The following CTTNBP2 variants were observed in gnomAD, a reference collection of about 807,000 sequenced individuals.
The protein encoded by CTTNBP2 is cortactin binding protein 2.
A neutral mutation model predicts 156.9 loss-of-function variants in CTTNBP2; 108 were observed. The observed-to-expected ratio is 0.69, with a 90% CI of 0.59 to 0.81. The LOEUF (loss-of-function observed/expected upper bound fraction) is 0.81. CTTNBP2 is among the 30% of genes least tolerant of loss of function. The probability of loss-of-function intolerance (pLI) is 0.00; values close to 1 mark genes in which losing one functional copy is unlikely to be tolerated. For synonymous variants in CTTNBP2, 767 were observed against 751.8 expected (o/e 1.02, Z -0.33); for missense variants, 1,924 against 2,035.4 (o/e 0.95, Z 1.05).
At chr7:117,729,072 T>C (rs904121888) in intron 16 of CTTNBP2, among the ~76,000 whole-genome samples, 10 of 152,206 alleles carry the variant, frequency 6.6e-5, no homozygotes, top group Non-Finnish European at 1.5e-4. Flanking sequence ...AGAGCTCTCA[T>C]TGTAACTCGG....
At chr7:117,825,334 G>C (rs1801216199) in intron 2 of CTTNBP2, among the ~76,000 whole-genome samples, 2 of 152,192 alleles carry the variant, frequency 1.3e-5, no homozygotes, top group South Asian at 4.1e-4. Context: ...TGTTGCTTCT[G>C]TCTGAGTCAT....
intron 17 of CTTNBP2, 91 bp from the exon 18 acceptor site, chr7:117,725,348 G>C: frequency 8.5e-7 from 1 of 1,173,550 alleles, no homozygotes; most frequent in Non-Finnish European, 1.3e-6. Context: ...AGACTATGGG[G>C]AAAAAACGTT....
At chr7:117,840,491 C>A (rs989532471) in intron 2 of CTTNBP2, among the ~76,000 whole-genome samples, 9 of 152,146 alleles carry the variant, frequency 5.9e-5, no homozygotes, top group Non-Finnish European at 1.3e-4. Flanking sequence ...TGCGCCACTG[C>A]ACTCCAGCCT....
chr7:117,780,958 G>A (rs906507560), intron 6 of CTTNBP2, among the ~76,000 whole-genome samples: 1 of 152,166 alleles, frequency 6.6e-6, no homozygotes, highest in African/African-American at 2.4e-5. Flanking sequence ...GAAATAGTTT[G>A]AACACTGAAA....
intron 1 of CTTNBP2, among the ~76,000 whole-genome samples, chr7:117,863,544 C>G (rs1465057191): frequency 1.3e-5 from 2 of 152,186 alleles, no homozygotes. Flanking sequence ...TTCAGTGAGT[C>G]CGAGGTGGGG....
chr7:117,760,469 G>A lies in CTTNBP2; in HGVS notation c.3138C>T (p.Gly1046=), dbSNP rs1234889508. 1 of 1,614,044 alleles carries A rather than the reference G, an allele frequency of 6.2e-7. No homozygotes were observed. The highest frequency in any genetic ancestry group is 1.3e-5 in the African/African-American group (1 of 75,040). ...TGGATCGTATGCTTCTTGCACTGAG[G>A]CCGATGTTGGAATCAGTGGTGTTAT... ...TCNNTTDSNI[G]LSARSIRSIT... The change falls in exon 10 of 23, where the codon GGC becomes GGT. Residue 1046 remains glycine, a synonymous_variant. Coordinates refer to ENST00000160373, the MANE Select transcript of CTTNBP2 (RefSeq NM_033427.3).
chr7:117,814,035 C>T (rs555464668), intron 2 of CTTNBP2, among the ~76,000 whole-genome samples: 1 of 152,166 alleles, frequency 6.6e-6, no homozygotes, highest in Non-Finnish European at 1.5e-5. Context: ...CTGGTGTCTA[C>T]TCACCCACAC....
rs368652096 is a variant in CTTNBP2 at position 117,873,403 on chromosome 7, C to G, written c.13G>C (p.Gly5Arg). Residue 5 changes from glycine (G) to arginine (R), a missense_variant, in exon 1 of 23, where the codon GGC becomes CGC. Coordinates refer to ENST00000160373, the MANE Select transcript of CTTNBP2 (RefSeq NM_033427.3). MATD[G>R]ASCEPDLSRA... ...GACAAGTCGGGCTCGCAGCTCGCGC[C>G]GTCCGTCGCCATCTTCCTGCTCTAG... 2 of 1,494,294 alleles carry G rather than the reference C, an allele frequency of 1.3e-6. No individual in the cohort carries two copies. Among genetic ancestry groups the G allele is most frequent in the Non-Finnish European group, 1.8e-6 (2 of 1,129,006 alleles). 92.6% of individuals were successfully genotyped at this position (1,494,294 alleles called of 1,614,324 possible).
rs142027587 is a variant in CTTNBP2, at chr7:117,844,364, T to C, written c.189+16845A>G. Among the ~76,000 whole-genome samples, 419 of 152,180 alleles carry C rather than the reference T, an allele frequency of 2.8e-3. 3 individuals carry two copies. The highest frequency in any genetic ancestry group is 9.2e-3 in the African/African-American group (384 of 41,516). ...TAATACAGGTTGGGGTAAGTGGAGA[T>C]GGGGTGAAGCAGGAAGATTTAAGAT... On this transcript the variant is annotated intron_variant, in intron 2 of 22. Coordinates refer to ENST00000160373, the MANE Select transcript of CTTNBP2 (RefSeq NM_033427.3).
At chr7:117,718,641 T>A (rs1794603077) in intron 21 of CTTNBP2, among the ~76,000 whole-genome samples, 2 of 152,322 alleles carry the variant, frequency 1.3e-5, no homozygotes, top group African/African-American at 4.8e-5. Context: ...AGGTTGAACT[T>A]GATGCTGTCC....
chr7:117,800,080 G>A (rs1799529260), intron 3 of CTTNBP2, among the ~76,000 whole-genome samples: 1 of 151,698 alleles, frequency 6.6e-6, no homozygotes, highest in Non-Finnish European at 1.5e-5. Context: ...CACAAAATTA[G>A]TCTATAGATT....
In CTTNBP2 at chr7:117,711,403, T is replaced by G; in HGVS notation, c.*134A>C. On this transcript the variant is annotated 3_prime_UTR_variant, in exon 23 of 23. Transcript: ENST00000160373. ...TAAATACATTCTTTACAAAAAAAAATTGAATAGTGGTCCCGCACTCATAAT... is the reference window on the plus strand; with the variant it reads ...TAAATACATTCTTTACAAAAAAAAAGTGAATAGTGGTCCCGCACTCATAAT... 2.1e-6 allele frequency: 2 copies of G among 938,866 alleles called. No individual in the cohort carries two copies. Among genetic ancestry groups the G allele is most frequent in the Non-Finnish European group, 3.0e-6 (2 of 665,612 alleles). The allele number at this position is 938,866 out of a possible 1,614,324, so 58.2% of individuals were successfully genotyped here. A position where few individuals can be genotyped will look rare whatever the true frequency, so the allele number is the denominator to read the frequency against.
At chr7:117,727,786 C>G (rs546919601) in intron 17 of CTTNBP2, among the ~76,000 whole-genome samples, 1 of 152,166 alleles carries the variant, frequency 6.6e-6, no homozygotes, top group Non-Finnish European at 1.5e-5. Context: ...GGTGTGCATA[C>G]AATACTTGAT....
intron 1 of CTTNBP2, among the ~76,000 whole-genome samples, chr7:117,871,436 A>G (rs1217816622): frequency 6.6e-6 from 1 of 152,162 alleles, no homozygotes; most frequent in African/African-American, 2.4e-5. Flanking sequence ...GCATCTCGCA[A>G]CCCTAAAGGA....
Position 117,718,105 on chromosome 7 carries a change from C to T in CTTNBP2, c.4659G>A (p.Arg1553=). The part of the protein sequence containing the change: ...ESDISKIADS[R]DDLRMFDSSG... ...AACTATCAAACATCCTTAAATCATC[C>T]CTGGAATCAGCAATCTAGAAAATAC... Residue 1553 remains arginine, a synonymous_variant, in exon 22 of 23, where the codon AGG becomes AGA. Coordinates refer to ENST00000160373, the MANE Select transcript of CTTNBP2 (RefSeq NM_033427.3). 6 of 1,611,086 alleles carry T rather than the reference C, an allele frequency of 3.7e-6. No individual in the cohort carries two copies. The highest frequency in any genetic ancestry group is 4.2e-6 in the Non-Finnish European group (5 of 1,177,646).
chr7:117,728,125 C>T lies in CTTNBP2; in HGVS notation c.4019G>A (p.Cys1340Tyr), dbSNP rs768395597. 9 of 1,613,964 alleles carry T rather than the reference C, an allele frequency of 5.6e-6. No homozygotes were observed. In the Admixed American group the frequency reaches 1.5e-4, roughly 27 times the overall value. The stretch of plus-strand genomic sequence containing the variant: ...TTGGGCATGCCCAGGAACTACAGGA[C>T]AAGACAGGAAATATTTTGGTCCAAG... ...ALLGPKYFLSCPVVPGHAQVT... is the reference protein window; with the variant it reads ...ALLGPKYFLSYPVVPGHAQVT... Residue 1340 changes from cysteine to tyrosine, a missense_variant, in exon 17 of 23, where the codon TGT (cysteine) becomes TAT (tyrosine). Physicochemically the swap from Cys to Tyr is radical, Grantham distance 194. Coordinates refer to ENST00000160373, the MANE Select transcript of CTTNBP2 (RefSeq NM_033427.3).
In CTTNBP2 at chr7:117,838,434, T is replaced by C. The variant is rs1802077038; in HGVS notation, c.189+22775A>G. ...TCTAATGTGGTTATGTGACACCTTG[T>C]TTGGGGGGATAACTTAGACTACAGC... is the stretch of plus-strand genomic sequence containing the variant. On this transcript the variant is annotated intron_variant, in intron 2 of 22. Coordinates refer to ENST00000160373, the MANE Select transcript of CTTNBP2 (RefSeq NM_033427.3). Among the ~76,000 whole-genome samples, 3 of 152,160 alleles carry C rather than the reference T, an allele frequency of 2.0e-5. No individual in the cohort carries two copies. The South Asian group carries it at 6.2e-4, about 32-fold the overall frequency.
chr7:117,824,178 T>TA (rs1376888603), intron 2 of CTTNBP2, among the ~76,000 whole-genome samples: 1 of 89,872 alleles, frequency 1.1e-5, no homozygotes, highest in Non-Finnish European at 2.4e-5. Context: ...GTAAACTTTC[T>TA]GGTTTTTTTT....
At chr7:117,866,927 A>G (rs1563079753) in intron 1 of CTTNBP2, among the ~76,000 whole-genome samples, 1 of 152,236 alleles carries the variant, frequency 6.6e-6, no homozygotes, top group Non-Finnish European at 1.5e-5. Context: ...TATGTAAGCA[A>G]GATTTATGCT....
Sources: gnomAD v4.1 joint callset for allele counts (sites outside exome capture counted in the v4.1 genomes callset) on GRCh38, gnomAD v4.1.1 for gene constraint, MANE v1.5 for transcripts, NCBI Gene and HGNC (gene_info 2026-07-23, HGNC 2026-07-21) for gene names.